Variants in STK3 observed in about 807,000 individuals in gnomAD.
STK3 encodes the protein serine/threonine kinase 3.
STK3 carries 41 observed loss-of-function variants against 58.0 expected under a neutral mutation model. That is an observed-to-expected ratio of 0.71 (90% CI 0.55 to 0.92). The LOEUF (loss-of-function observed/expected upper bound fraction) is 0.92, where lower values mean the gene tolerates loss of function less well. Ranked by LOEUF, STK3 falls within the 40% of genes least tolerant of loss-of-function variation. STK3 has a pLI of 0.00. For synonymous variants in STK3, 170 were observed against 191.0 expected, an observed-to-expected ratio of 0.89 and a Z score of 0.91; for missense variants, 479 against 602.7, an observed-to-expected ratio of 0.79 and a Z score of 2.15.
At chr8:98,687,530 G>C (rs192696287) in intron 6 of STK3, among the ~76,000 whole-genome samples, 2 of 152,180 alleles carry the variant, frequency 1.3e-5, no homozygotes, top group African/African-American at 4.8e-5. Flanking sequence ...TGTGGCCCAG[G>C]AGTTGGGGGA....
intron 10 of STK3, among the ~76,000 whole-genome samples, chr8:98,510,744 T>C (rs1369856234): frequency 1.3e-5 from 2 of 152,134 alleles, no homozygotes; most frequent in Non-Finnish European, 2.9e-5. Flanking sequence ...GCTTCAATTT[T>C]GCAAGCATTT....
At chr8:98,391,153 G>A (rs1401776672), upstream of STK3, among the ~76,000 whole-genome samples, 3 of 152,126 alleles carry the variant, frequency 2.0e-5, no homozygotes, top group Admixed American at 2.0e-4. Context: ...TTTGTGTCTT[G>A]CTTAAATTCT....
intron 7 of STK3, among the ~76,000 whole-genome samples, chr8:98,582,430 G>A (rs1171962419): frequency 2.0e-5 from 3 of 151,576 alleles, no homozygotes; most frequent in Non-Finnish European, 4.4e-5. Context: ...TATTGCACCG[G>A]AATGAATATA....
chr8:98,600,412 T>C (rs1233060950), intron 6 of STK3, among the ~76,000 whole-genome samples: 1 of 152,218 alleles, frequency 6.6e-6, no homozygotes, highest in East Asian at 1.9e-4. Flanking sequence ...ACACTTAGAA[T>C]AGTGCCTGGC....
chr8:98,628,611 A>T (rs537284616), intron 6 of STK3, among the ~76,000 whole-genome samples: 1 of 152,190 alleles, frequency 6.6e-6, no homozygotes, highest in South Asian at 2.1e-4. Flanking sequence ...AGCCTGGGCA[A>T]AATAGCGCAA....
chr8:98,875,747 A>T (rs1176847542), intron 3 of STK3: 1 of 152,136 alleles, frequency 6.6e-6, no homozygotes, highest in African/African-American at 2.4e-5. Flanking sequence ...GCCACGTGAA[A>T]TTTTTCACAA....
chr8:98,575,341 TG>T (rs1813310159), intron 8 of STK3, among the ~76,000 whole-genome samples: 1 of 131,058 alleles, frequency 7.6e-6, no homozygotes, highest in Non-Finnish European at 1.7e-5. Context: ...CCTAGTGACT[TG>T]TTTTTTTTTT....
rs917570715 is a variant in STK3, at chr8:98,428,671, A to G, written n.483+5456T>C. On this transcript the variant is annotated intron_variant and non_coding_transcript_variant, in intron 3 of 3. Coordinates refer to the STK3 transcript ENST00000517832. The surrounding 1 kb of genome is among the most constrained non-coding windows in gnomAD (Gnocchi z 6.7). Reference sequence around the variant, plus strand: ...GAGGACCCTAGGTTCGAAATCGTGGAGCACTTTGGCATTGCCTGGTTCACA... The same window carrying G: ...GAGGACCCTAGGTTCGAAATCGTGGGGCACTTTGGCATTGCCTGGTTCACA... 1 of 1,614,084 alleles carries G rather than the reference A, an allele frequency of 6.2e-7. No homozygotes were observed. Among genetic ancestry groups the G allele is most frequent in the Non-Finnish European group, 8.5e-7 (1 of 1,180,046 alleles).
intron 1 of STK3, among the ~76,000 whole-genome samples, chr8:98,893,514 AAGAAAG>A (rs1838329357): frequency 1.4e-5 from 2 of 143,590 alleles, no homozygotes; most frequent in Admixed American, 6.9e-5. Flanking sequence ...GAAAGAAAGA[AAGAAAG>A]AAAGAAAGAA....
intron 9 of STK3, among the ~76,000 whole-genome samples, chr8:98,540,085 C>T (rs1220008911): frequency 6.6e-6 from 1 of 152,136 alleles, no homozygotes; most frequent in African/African-American, 2.4e-5. Context: ...ACATGGTCTC[C>T]ACCTACATCG....
chr8:98,892,293 C>G (rs181366477), intron 1 of STK3, among the ~76,000 whole-genome samples: 1 of 152,286 alleles, frequency 6.6e-6, no homozygotes, highest in East Asian at 1.9e-4. Flanking sequence ...ACCATCGACT[C>G]CTGCCAGGAT....
At chr8:98,811,787 G>C (rs904777866) in intron 1 of STK3, among the ~76,000 whole-genome samples, 2 of 152,130 alleles carry the variant, frequency 1.3e-5, no homozygotes, top group Non-Finnish European at 2.9e-5. Flanking sequence ...TCAACTACAG[G>C]AAGTACATTT....
intron 1 of STK3, among the ~76,000 whole-genome samples, chr8:98,808,165 C>T (rs1834002245): frequency 6.6e-6 from 1 of 152,180 alleles, no homozygotes; most frequent in Non-Finnish European, 1.5e-5. Flanking sequence ...TAAGGCAGCA[C>T]CTCTTCCTAA....
intron 1 of STK3, among the ~76,000 whole-genome samples, chr8:98,823,051 G>A (rs1329995450): frequency 2.0e-5 from 3 of 152,124 alleles, no homozygotes; most frequent in African/African-American, 7.2e-5. Context: ...CCAGCTAGAA[G>A]GTACTGCTGC....
Position 98,706,512 on chromosome 8 carries a change from T to G in STK3, c.639A>C (p.Glu213Asp). 1 of 1,613,854 alleles carries G rather than the reference T, an allele frequency of 6.2e-7. No individual in the cohort carries two copies. Among genetic ancestry groups the G allele is most frequent in the Non-Finnish European group, 8.5e-7 (1 of 1,179,872 alleles). ...CATAAGGAGGTTTTCCTTCAGCCAT[T>G]TCTATAGAAGTAATGCCAAGGGACC... ...DIWSLGITSI[E>D]MAEGKPPYAD... The change falls in exon 6 of 11, where the codon GAA (glutamate) becomes GAC (aspartate). Residue 213 changes from glutamate to aspartate, a missense_variant. Around this residue, in one of 3 missense-constraint regions of STK3, gnomAD observed 309 missense variants for 355.7 expected, o/e 0.87. Transcript: ENST00000419617.
intron 9 of STK3, among the ~76,000 whole-genome samples, chr8:98,533,508 C>T (rs1809494054): frequency 6.6e-6 from 1 of 152,052 alleles, no homozygotes; most frequent in Admixed American, 6.6e-5. Flanking sequence ...GATTGCCTGA[C>T]AGGGTCTCTC....
At chr8:98,638,513 T>C (rs956915914) in intron 6 of STK3, 3 of 152,228 alleles carry the variant, frequency 2.0e-5, no homozygotes, top group Admixed American at 6.5e-5. Context: ...TGTGTACTCA[T>C]ATCCATTTTC....
intron 6 of STK3, among the ~76,000 whole-genome samples, chr8:98,686,922 G>A (rs1391117949): frequency 1.3e-5 from 2 of 152,086 alleles, no homozygotes; most frequent in East Asian, 3.8e-4. Flanking sequence ...CAAGAAATAT[G>A]AGATTATATA....
chr8:98,617,791 T>A (rs1318020766), intron 6 of STK3, among the ~76,000 whole-genome samples: 3 of 151,672 alleles, frequency 2.0e-5, no homozygotes, highest in Non-Finnish European at 4.4e-5. Flanking sequence ...AATAGACCAA[T>A]AACAGGAGCT....
Sources: allele counts gnomAD v4.1 joint callset (sites outside exome capture counted in the v4.1 genomes callset), GRCh38; gene constraint gnomAD v4.1.1; regional missense constraint gnomAD v4.1.1; non-coding constraint Gnocchi (gnomAD v3.1); transcripts MANE v1.5; gene names NCBI Gene and HGNC (gene_info 2026-07-23, HGNC 2026-07-21).